Variants in CNBD1 observed in about 807,000 individuals in gnomAD.
CNBD1 encodes the protein cyclic nucleotide binding domain containing 1, also known as cyclic nucleotide-binding domain-containing protein 1.
A neutral mutation model predicts 54.4 loss-of-function variants in CNBD1; 71 were observed. That is an observed-to-expected ratio of 1.30 (90% CI 1.08 to 1.59). The LOEUF (loss-of-function observed/expected upper bound fraction) is 1.59, where lower values mean the gene tolerates loss of function less well. Among genes scored for constraint, CNBD1 ranks in the 40% most tolerant of loss-of-function variants. The pLI is 0.00. For missense variants in CNBD1, 659 were observed against 518.0 expected (o/e 1.27, Z -2.64); for synonymous variants, 182 against 170.7 (o/e 1.07, Z -0.51).
At chr8:87,314,446 A>G (rs1809338155) in intron 8 of CNBD1, among the ~76,000 whole-genome samples, 1 of 151,948 alleles carries the variant, frequency 6.6e-6, no homozygotes, top group Non-Finnish European at 1.5e-5. Context: ...TTAATAAAAT[A>G]AGAATAGATG....
intron 4 of CNBD1, among the ~76,000 whole-genome samples, chr8:87,038,039 T>C (rs1391166530): frequency 6.6e-6 from 1 of 152,044 alleles, no homozygotes; most frequent in Non-Finnish European, 1.5e-5. Context: ...GATAGAGAGG[T>C]GAATGAGGAT....
intron 6 of CNBD1, 25 bp downstream of exon 6, chr8:87,237,137 C>G: frequency 6.8e-7 from 1 of 1,469,426 alleles, no homozygotes. Flanking sequence ...TTTGCTTTTT[C>G]CACAAGCAAC....
intron 8 of CNBD1, among the ~76,000 whole-genome samples, chr8:87,297,116 T>A (rs1585991129): frequency 1.4e-5 from 2 of 141,170 alleles, no homozygotes; most frequent in South Asian, 4.4e-4. Context: ...AGGTGGAGCT[T>A]GCAGTGAGCC....
intron 10 of CNBD1, among the ~76,000 whole-genome samples, chr8:87,364,225 CTATATATATG>C (rs936149801): frequency 3.0e-4 from 46 of 150,880 alleles, no homozygotes; most frequent in African/African-American, 1.1e-3. Flanking sequence ...TTATAAGTAT[CTATATATATG>C]TATATATATT....
At chr8:86,982,517 A>G (rs1808510222) in intron 4 of CNBD1, among the ~76,000 whole-genome samples, 2 of 152,204 alleles carry the variant, frequency 1.3e-5, no homozygotes, top group African/African-American at 4.8e-5. Flanking sequence ...TTCCATGCAA[A>G]TAGGCAGTAT....
intron 4 of CNBD1, among the ~76,000 whole-genome samples, chr8:87,114,977 A>G (rs756970644): frequency 7.2e-5 from 11 of 152,190 alleles, no homozygotes; most frequent in Non-Finnish European, 1.5e-4. Context: ...AACCAACTCA[A>G]TAGAATGTCA....
chr8:87,266,371 T>G (rs907975291), intron 6 of CNBD1, among the ~76,000 whole-genome samples: 7 of 143,096 alleles, frequency 4.9e-5, no homozygotes, highest in Non-Finnish European at 7.5e-5. Flanking sequence ...CACTAGCGAC[T>G]GATAGGTAAG....
At chr8:86,891,856 GA>G (rs1808773430) in intron 2 of CNBD1, among the ~76,000 whole-genome samples, 1 of 151,762 alleles carries the variant, frequency 6.6e-6, no homozygotes, top group Non-Finnish European at 1.5e-5. Context: ...ATTTTTCTAG[GA>G]TTTTTTTGGG....
At chr8:87,223,490 T>G (rs1814395140) in intron 5 of CNBD1, among the ~76,000 whole-genome samples, 1 of 150,632 alleles carries the variant, frequency 6.6e-6, no homozygotes, top group Non-Finnish European at 1.5e-5. Context: ...GAATATGCAG[T>G]GTTTGGTTTT....
intron 4 of CNBD1, among the ~76,000 whole-genome samples, chr8:87,168,395 A>G (rs1245803986): frequency 6.6e-6 from 1 of 152,080 alleles, no homozygotes; most frequent in East Asian, 1.9e-4. Flanking sequence ...TAATGTATCC[A>G]TCACCTCAAG....
intron 6 of CNBD1, among the ~76,000 whole-genome samples, chr8:87,271,396 T>A (rs1277141558): frequency 2.0e-5 from 3 of 152,028 alleles, no homozygotes; most frequent in Non-Finnish European, 4.4e-5. Flanking sequence ...TATGAACTTA[T>A]CTCTTAATAC....
intron 10 of CNBD1, among the ~76,000 whole-genome samples, chr8:87,354,410 TTTA>T (rs1810378269): frequency 6.6e-6 from 1 of 151,946 alleles, no homozygotes; most frequent in Non-Finnish European, 1.5e-5. Flanking sequence ...TTTTTTTAAT[TTTA>T]TTATTATTAT....
intron 8 of CNBD1, among the ~76,000 whole-genome samples, chr8:87,337,277 C>T (rs1177503947): frequency 1.3e-5 from 2 of 152,050 alleles, no homozygotes; most frequent in Admixed American, 1.3e-4. Context: ...TCTGGGCTGC[C>T]CGGAGTTATC....
intron 10 of CNBD1, among the ~76,000 whole-genome samples, chr8:87,370,349 G>A (rs995421783): frequency 2.0e-5 from 3 of 152,140 alleles, no homozygotes; most frequent in African/African-American, 7.2e-5. Context: ...CATCAACAGT[G>A]TAAAAGTGTT....
At chr8:87,006,703 G>T (rs1809104966) in intron 4 of CNBD1, among the ~76,000 whole-genome samples, 1 of 152,126 alleles carries the variant, frequency 6.6e-6, no homozygotes, top group Admixed American at 6.6e-5. Context: ...CGGCATTAGA[G>T]ATTACAATTC....
chr8:87,355,133 T>C (rs1406835932), intron 10 of CNBD1, among the ~76,000 whole-genome samples: 1 of 150,978 alleles, frequency 6.6e-6, no homozygotes, highest in Non-Finnish European at 1.5e-5. Context: ...CAAGTGAGTG[T>C]TTGTATGTAT....
chr8:86,869,864 A>G (rs575097117), intron 1 of CNBD1, among the ~76,000 whole-genome samples: 1 of 152,322 alleles, frequency 6.6e-6, no homozygotes, highest in East Asian at 1.9e-4. Context: ...AAAAATTTTT[A>G]ATGGAAGGCA....
intron 8 of CNBD1, among the ~76,000 whole-genome samples, chr8:87,320,488 A>G (rs1809497741): frequency 6.6e-6 from 1 of 152,112 alleles, no homozygotes; most frequent in Non-Finnish European, 1.5e-5. Context: ...TTTCTGACAG[A>G]GGCAAATTAT....
At chr8:87,170,331 A>C (rs116836474) in intron 4 of CNBD1, among the ~76,000 whole-genome samples, 1 of 152,180 alleles carries the variant, frequency 6.6e-6, no homozygotes, top group African/African-American at 2.4e-5. Context: ...AAGATTATAT[A>C]TATTCCAAAT....
Sources: gnomAD v4.1 joint callset for allele counts (sites outside exome capture counted in the v4.1 genomes callset) on GRCh38, gnomAD v4.1.1 for gene constraint, MANE v1.5 for transcripts, NCBI Gene and HGNC (gene_info 2026-07-23, HGNC 2026-07-21) for gene names.